The following GRM8 variants were observed in gnomAD, a reference collection of about 807,000 sequenced individuals.
GRM8 encodes the protein metabotropic glutamate receptor 8.
In GRM8, 47 loss-of-function variants were observed where a neutral mutation model predicts 87.2. The observed-to-expected ratio is 0.54, with a 90% CI of 0.43 to 0.69. GRM8 has a LOEUF of 0.69. Ranked by LOEUF, GRM8 falls within the 30% of genes least tolerant of loss-of-function variation. GRM8 has a pLI of 0.00. For missense variants in GRM8, 1,019 were observed against 1,139.2 expected (o/e 0.89, Z 1.52); for synonymous variants, 396 against 404.5 (o/e 0.98, Z 0.25).
chr7:126,502,627 T>A (rs944184350), intron 9 of GRM8, among the ~76,000 whole-genome samples: 7 of 152,088 alleles, frequency 4.6e-5, no homozygotes, highest in African/African-American at 1.7e-4. Flanking sequence ...AAAACAATTA[T>A]ATAGTACAAA....
At chr7:126,562,003 A>G (rs1051528321) in intron 8 of GRM8, among the ~76,000 whole-genome samples, 5 of 152,138 alleles carry the variant, frequency 3.3e-5, no homozygotes, top group African/African-American at 1.2e-4. Context: ...TCATTTTAAG[A>G]TGGGAATGTG....
At chr7:126,831,632 T>TC (rs1795388015) in intron 6 of GRM8, among the ~76,000 whole-genome samples, 3 of 152,124 alleles carry the variant, frequency 2.0e-5, no homozygotes, top group Admixed American at 6.5e-5. Context: ...GAAAGGGAAG[T>TC]CCCTGACTCC....
chr7:127,014,939 GAGAGAA>G (rs199988302), intron 3 of GRM8, among the ~76,000 whole-genome samples: 210 of 132,054 alleles, frequency 1.6e-3, no homozygotes, highest in Middle Eastern at 3.6e-3. Context: ...GAGAGAGAGA[GAGAGAA>G]AGAGAGAGAG....
intron 7 of GRM8, among the ~76,000 whole-genome samples, chr7:126,703,510 C>T (rs933941292): frequency 2.0e-5 from 3 of 152,110 alleles, no homozygotes; most frequent in African/African-American, 7.2e-5. Flanking sequence ...AGGGTCAAGA[C>T]GTTTTAACAT....
At chr7:126,512,124 C>T (rs1811470743) in intron 9 of GRM8, 1 of 152,078 alleles carries the variant, frequency 6.6e-6, no homozygotes, top group African/African-American at 2.4e-5. Context: ...TGTTTCCCTT[C>T]TCCCCCAGCA....
intron 9 of GRM8, among the ~76,000 whole-genome samples, chr7:126,520,917 T>G (rs1282299354): frequency 6.6e-6 from 1 of 152,162 alleles, no homozygotes; most frequent in South Asian, 2.1e-4. Flanking sequence ...AAATAGGCAG[T>G]GTAACCAAGT....
intron 3 of GRM8, among the ~76,000 whole-genome samples, chr7:126,908,019 A>G (rs189769770): frequency 7.4e-4 from 113 of 152,332 alleles, no homozygotes; most frequent in African/African-American, 2.4e-3. Flanking sequence ...ATCATTAAAC[A>G]AGTGGGAAAT....
chr7:126,845,901 GAGA>G (rs1221811872), intron 6 of GRM8, among the ~76,000 whole-genome samples: 1 of 151,964 alleles, frequency 6.6e-6, no homozygotes, highest in Admixed American at 6.6e-5. Flanking sequence ...GAGTGATGTA[GAGA>G]AGGAGATGGG....
intron 6 of GRM8, among the ~76,000 whole-genome samples, chr7:126,823,823 G>A (rs1296133608): frequency 6.6e-6 from 1 of 152,158 alleles, no homozygotes; most frequent in Non-Finnish European, 1.5e-5. Context: ...TTATGGTACA[G>A]CAGCTTAAAC....
chr7:126,763,458 TATATATATATATATACAC>T (rs955018127), intron 7 of GRM8, among the ~76,000 whole-genome samples: 5 of 61,442 alleles, frequency 8.1e-5, no homozygotes, highest in Admixed American at 4.3e-4. Flanking sequence ...TATATATATA[TATATATATATATATACAC>T]ACACACACAC....
At chr7:126,470,086 C>T (rs1288825039) in intron 9 of GRM8, among the ~76,000 whole-genome samples, 1 of 152,106 alleles carries the variant, frequency 6.6e-6, no homozygotes, top group Non-Finnish European at 1.5e-5. Context: ...TTGCCACACT[C>T]TAGTAAATAG....
intron 7 of GRM8, among the ~76,000 whole-genome samples, chr7:126,669,546 A>C (rs746858057): frequency 6.6e-6 from 1 of 152,186 alleles, no homozygotes; most frequent in African/African-American, 2.4e-5. Context: ...AAGTGTTGTG[A>C]GTTTACAAAC....
At chr7:126,970,913 A>C (rs1295811336) in intron 3 of GRM8, among the ~76,000 whole-genome samples, 1 of 152,110 alleles carries the variant, frequency 6.6e-6, no homozygotes, top group Admixed American at 6.6e-5. Flanking sequence ...GACAGAGATG[A>C]GGGAATGCCT....
At chr7:126,753,897 A>C (rs1360044950) in intron 7 of GRM8, among the ~76,000 whole-genome samples, 1 of 151,960 alleles carries the variant, frequency 6.6e-6, no homozygotes, top group Admixed American at 6.6e-5. Flanking sequence ...GGAATGCATC[A>C]ATCTTTATGT....
At chr7:126,727,320 T>G (rs912610037) in intron 7 of GRM8, among the ~76,000 whole-genome samples, 1 of 152,048 alleles carries the variant, frequency 6.6e-6, no homozygotes, top group Non-Finnish European at 1.5e-5. Flanking sequence ...TATTAATACA[T>G]GAAATCTGTA....
chr7:126,707,106 C>T (rs1810605485), intron 7 of GRM8, among the ~76,000 whole-genome samples: 1 of 152,136 alleles, frequency 6.6e-6, no homozygotes, highest in African/African-American at 2.4e-5. Context: ...GAATTCAAGA[C>T]TAGCCTGGGC....
intron 7 of GRM8, among the ~76,000 whole-genome samples, chr7:126,752,241 C>T (rs899959007): frequency 2.0e-5 from 3 of 151,924 alleles, no homozygotes; most frequent in Non-Finnish European, 4.4e-5. Context: ...GGCAGTAGTG[C>T]ACTATAGTAT....
At chr7:127,103,150 T>C (rs118000871) in intron 3 of GRM8, among the ~76,000 whole-genome samples, 1 of 152,314 alleles carries the variant, frequency 6.6e-6, no homozygotes, top group East Asian at 1.9e-4. Context: ...GTCTGGACTT[T>C]TGAGTTAATG....
At chr7:126,573,666 C>A (rs912994133) in intron 8 of GRM8, among the ~76,000 whole-genome samples, 1 of 151,824 alleles carries the variant, frequency 6.6e-6, no homozygotes, top group African/African-American at 2.4e-5. Flanking sequence ...CTCATTGCAA[C>A]GTCCGCCTCC....
Sources: gnomAD v4.1 joint callset for allele counts (sites outside exome capture counted in the v4.1 genomes callset) on GRCh38, gnomAD v4.1.1 for gene constraint, MANE v1.5 for transcripts, NCBI Gene and HGNC (gene_info 2026-07-23, HGNC 2026-07-21) for gene names.